The following LRRC42 variants were observed in gnomAD, a reference collection of about 807,000 sequenced individuals.
LRRC42 encodes the protein leucine rich repeat containing 42.
LRRC42 carries 43 observed loss-of-function variants against 44.3 expected under a neutral mutation model. The observed-to-expected ratio is 0.97, with a 90% confidence interval of 0.76 to 1.25. The LOEUF (loss-of-function observed/expected upper bound fraction) is 1.25. LRRC42 is among the 50% of genes most tolerant of loss of function. The pLI is 0.00. For synonymous variants in LRRC42, 207 were observed against 195.2 expected (o/e 1.06, Z -0.50); for missense variants, 540 against 509.1 (o/e 1.06, Z -0.58).
intron 2 of LRRC42, among the ~76,000 whole-genome samples, chr1:53,950,145 A>G (rs574465466): frequency 6.6e-6 from 1 of 152,344 alleles, no homozygotes; most frequent in African/African-American, 2.4e-5. Flanking sequence ...CCAGACAGGC[A>G]CGTACTGGTG....
intron 3 of LRRC42, among the ~76,000 whole-genome samples, chr1:53,957,293 C>G (rs1227928592): frequency 6.6e-6 from 1 of 152,320 alleles, no homozygotes; most frequent in Non-Finnish European, 1.5e-5. Flanking sequence ...CCTGCTCTTG[C>G]CACAAGTCAG....
intron 3 of LRRC42, among the ~76,000 whole-genome samples, chr1:53,957,525 T>C (rs890188056): frequency 6.6e-6 from 1 of 152,252 alleles, no homozygotes; most frequent in Non-Finnish European, 1.5e-5. Context: ...GTAATTAAGT[T>C]GCTCGTGCTC....
intron 4 of LRRC42, among the ~76,000 whole-genome samples, chr1:53,959,660 A>G (rs1654941273): frequency 1.3e-5 from 2 of 152,240 alleles, no homozygotes; most frequent in Non-Finnish European, 2.9e-5. Flanking sequence ...AAAGCTGGTT[A>G]AATTTAGAGG....
rs1655163026 is a variant in LRRC42 at position 53,967,671 on chromosome 1, A to C, written c.1019A>C (p.Lys340Thr). Reference protein sequence around the residue: ...PRAAAQRFYGKRSRAEAPLKC... With the variant: ...PRAAAQRFYGTRSRAEAPLKC... ...TCCCTCCCTTCTGTCACAGATGGGA[A>C]GCGGTCTCGAGCAGAAGCCCCACTG... Residue 340 changes from lysine to threonine, a missense_variant, in exon 9 of 9, where the codon AAG becomes ACG. Transcript: ENST00000371370. The C allele has an allele frequency of 6.2e-7, 1 of 1,613,800 alleles. No individual in the cohort carries two copies. Among genetic ancestry groups the C allele is most frequent in the Non-Finnish European group, 8.5e-7 (1 of 1,179,768 alleles).
At chr1:53,956,604 G>A (rs1477191397) in intron 3 of LRRC42, among the ~76,000 whole-genome samples, 3 of 152,094 alleles carry the variant, frequency 2.0e-5, no homozygotes, top group Non-Finnish European at 2.9e-5. Flanking sequence ...CTTTTCCACT[G>A]TACTGTTCCG....
At position 53,958,264 on chromosome 1, in the gene LRRC42, A is replaced by G. The variant is rs1654899052; in HGVS notation, c.589A>G (p.Asn197Asp). 1 of 1,613,698 alleles carries G rather than the reference A, an allele frequency of 6.2e-7. No individual in the cohort carries two copies. Among genetic ancestry groups the G allele is most frequent in the South Asian group, 1.1e-5 (1 of 91,050 alleles). Reference protein sequence around the residue: ...DEHELLEHLTNEALSSVTQLH... With the variant: ...DEHELLEHLTDEALSSVTQLH... ...GCATGAACTTCTAGAACATCTCACC[A>G]ATGAAGCCCTGTCTAGGTACTGACC... is the stretch of plus-strand genomic sequence containing the variant. Residue 197 changes from asparagine to aspartate, a missense_variant, in exon 4 of 9, where the codon AAT becomes GAT. Asn to Asp is a conservative substitution (Grantham distance 23). Coordinates refer to ENST00000371370, the MANE Select transcript of LRRC42 (RefSeq NM_001256409.2).
chr1:53,952,280 T>A lies in LRRC42; in HGVS notation c.281T>A (p.Leu94Gln). 6.2e-7 allele frequency: 1 copy of A among 1,614,274 alleles called. No homozygotes were observed. The highest frequency in any genetic ancestry group is 8.5e-7 in the Non-Finnish European group (1 of 1,180,040). The change falls in exon 3 of 9, where the codon CTG (leucine) becomes CAG (glutamine). Residue 94 changes from leucine (L) to glutamine (Q), a missense_variant. Physicochemically the swap from Leu to Gln is moderately radical, Grantham distance 113. Coordinates refer to ENST00000371370, the MANE Select transcript of LRRC42 (RefSeq NM_001256409.2). Reference protein sequence around the residue: ...YSAKSLFSLVLGFISDNVDHI... With the variant: ...YSAKSLFSLVQGFISDNVDHI... Reference sequence around the variant, plus strand: ...GCCAAATCCCTCTTCAGCCTTGTCCTGGGTTTCATCTCCGACAATGTGGAT... The same window carrying A: ...GCCAAATCCCTCTTCAGCCTTGTCCAGGGTTTCATCTCCGACAATGTGGAT...
In LRRC42 at chr1:53,946,789, G is replaced by A. The variant is rs973003991; in HGVS notation, c.-49+240G>A. On this transcript the variant is annotated intron_variant, in intron 1 of 8. Coordinates refer to ENST00000371370, the MANE Select transcript of LRRC42 (RefSeq NM_001256409.2). ...GGGTTCGGGGCCTGGGTGGGACAGG[G>A]AGCAGGATTAGCCTGGGTGGACTCG... Among the ~76,000 whole-genome samples the A allele has an allele frequency of 5.3e-5, 8 of 152,002 alleles. No homozygotes were observed. In the South Asian group the frequency reaches 1.2e-3, roughly 24 times the overall value.
intron 3 of LRRC42, among the ~76,000 whole-genome samples, chr1:53,954,546 G>A (rs752048608): frequency 2.0e-5 from 3 of 152,162 alleles, no homozygotes; most frequent in Admixed American, 6.5e-5. Context: ...TTTGGGGAAT[G>A]CATAAAATTG....
intron 4 of LRRC42, among the ~76,000 whole-genome samples, chr1:53,959,156 C>T (rs912158636): frequency 6.6e-6 from 1 of 152,150 alleles, no homozygotes; most frequent in African/African-American, 2.4e-5. Context: ...CTTTATTTAT[C>T]CAGTCCTAGT....
rs749580491 is a variant in LRRC42 at position 53,958,285 on chromosome 1, T to C, written c.605+5T>C. The C allele has an allele frequency of 1.2e-5, 20 of 1,612,520 alleles. No homozygotes were observed. Among genetic ancestry groups the C allele is most frequent in the Non-Finnish European group, 1.7e-5 (20 of 1,178,954 alleles). On this transcript the variant is annotated splice_donor_5th_base_variant and intron_variant, in intron 4 of 8. Coordinates refer to ENST00000371370, the MANE Select transcript of LRRC42 (RefSeq NM_001256409.2). ...CACCAATGAAGCCCTGTCTAGGTAC[T>C]GACCTGTCACCACTTGCAGATGAAT... is the stretch of plus-strand genomic sequence containing the variant.
chr1:53,954,224 A>C (rs1311171895), intron 3 of LRRC42, among the ~76,000 whole-genome samples: 1 of 152,262 alleles, frequency 6.6e-6, no homozygotes, highest in African/African-American at 2.4e-5. Context: ...TATTTTAAAA[A>C]GAAAAGACAT....
At chr1:53,958,805 CGAG>C (rs1428771371) in intron 4 of LRRC42, among the ~76,000 whole-genome samples, 1 of 152,130 alleles carries the variant, frequency 6.6e-6, no homozygotes, top group African/African-American at 2.4e-5. Flanking sequence ...AGGCTGGTCT[CGAG>C]GTCCTGACCT....
chr1:53,951,156 T>C (rs1268536356), intron 2 of LRRC42, among the ~76,000 whole-genome samples: 1 of 152,224 alleles, frequency 6.6e-6, no homozygotes, highest in Non-Finnish European at 1.5e-5. Flanking sequence ...TGTGTCAAGC[T>C]AGCAAGGGAG....
Position 53,962,096 on chromosome 1 carries a change from T to A in LRRC42, c.787T>A (p.Leu263Ile), listed in dbSNP as rs978914794. 2 of 1,613,874 alleles carry A rather than the reference T, an allele frequency of 1.2e-6. No individual in the cohort carries two copies. ...YLFSFRKLNC[L>I]DISGTGLKDI... is the part of the protein sequence containing the mutation. The stretch of plus-strand genomic sequence containing the variant: ...CTTTTCTTTTAGGAAACTAAACTGC[T>A]TAGATATCTCTGGGACAGGGCTCAA... The change falls in exon 6 of 9, where the codon TTA becomes ATA. Residue 263 changes from leucine to isoleucine, a missense_variant. By Grantham distance (5) the Leu-to-Ile change is conservative. Coordinates refer to ENST00000371370, the MANE Select transcript of LRRC42 (RefSeq NM_001256409.2).
intron 3 of LRRC42, among the ~76,000 whole-genome samples, chr1:53,956,875 C>T (rs948178616): frequency 6.6e-6 from 1 of 152,170 alleles, no homozygotes; most frequent in African/African-American, 2.4e-5. Flanking sequence ...TCCTCTAAAT[C>T]CCCATTAACA....
intron 4 of LRRC42, among the ~76,000 whole-genome samples, chr1:53,959,961 C>G (rs1569839949): frequency 6.6e-6 from 1 of 150,476 alleles, no homozygotes; most frequent in Admixed American, 6.6e-5. Context: ...TGTTCTGTCA[C>G]CTAGGCTGGA....
chr1:53,962,020 T>C lies in LRRC42; in HGVS notation c.725-14T>C, dbSNP rs1468044450. The C allele has an allele frequency of 6.3e-7, 1 of 1,589,090 alleles. No individual in the cohort carries two copies. Among genetic ancestry groups the C allele is most frequent in the Non-Finnish European group, 8.6e-7 (1 of 1,162,278 alleles). On this transcript the variant is annotated splice_polypyrimidine_tract_variant and intron_variant, in intron 5 of 8. Transcript: ENST00000371370. ...TATATTGTGACAGAATGCTACGTTGTTTTTGACATCTAGGTAACCCTGAGA... is the reference window on the plus strand; with the variant it reads ...TATATTGTGACAGAATGCTACGTTGCTTTTGACATCTAGGTAACCCTGAGA...
In LRRC42 at chr1:53,951,844, G is replaced by T. The variant is rs1654692885; in HGVS notation, c.-14-142G>T. The T allele has an allele frequency of 7.6e-6, 5 of 659,460 alleles. No homozygotes were observed. In the East Asian group the frequency reaches 1.4e-4, roughly 18 times the overall value. The allele number at this position is 659,460 out of a possible 1,614,324, so 40.9% of individuals were successfully genotyped here. A position where few individuals can be genotyped will look rare whatever the true frequency, so the allele number is the denominator to read the frequency against. On this transcript the variant is annotated intron_variant, in intron 2 of 8. Transcript: ENST00000371370. ...CAACCTTGAATGCCAAAGTTCCCAG[G>T]CAACTGGTGAGTTTTGCTTTTCCTA... is the stretch of plus-strand genomic sequence containing the variant.
Sources: allele counts gnomAD v4.1 joint callset (sites outside exome capture counted in the v4.1 genomes callset), GRCh38; gene constraint gnomAD v4.1.1; transcripts MANE v1.5; gene names NCBI Gene and HGNC (gene_info 2026-07-23, HGNC 2026-07-21).